ARK2C: variants seen among roughly 807,000 people sequenced by gnomAD.
ARK2C encodes E3 ubiquitin-protein ligase ARK2C.
At chr18:46,426,235 A>T in the ARK2C span, among the ~76,000 whole-genome samples, 1 of 152,272 alleles carries the variant, frequency 6.6e-6, no homozygotes. Context: ...GGCTTTCAGG[A>T]AACACCTTGC....
chr18:46,341,614 T>A, the ARK2C span, among the ~76,000 whole-genome samples: 30 of 152,268 alleles, frequency 2.0e-4, no homozygotes, highest in African/African-American at 7.2e-4. Flanking sequence ...TCTAGTCCTT[T>A]ACATACAGAT....
At chr18:46,427,133 C>T in the ARK2C span, among the ~76,000 whole-genome samples, 1 of 152,306 alleles carries the variant, frequency 6.6e-6, no homozygotes, top group East Asian at 1.9e-4. Flanking sequence ...GTGCTGAGAC[C>T]AAGAACCACT....
At chr18:46,379,234 C>T in the ARK2C span, among the ~76,000 whole-genome samples, 4 of 152,232 alleles carry the variant, frequency 2.6e-5, no homozygotes, top group Admixed American at 6.5e-5. Context: ...CCTCTTTAAT[C>T]TCTTTTGGGG....
the ARK2C span, among the ~76,000 whole-genome samples, chr18:46,421,221 A>G: frequency 2.0e-5 from 3 of 152,326 alleles, no homozygotes; most frequent in East Asian, 5.8e-4. Flanking sequence ...TAGTCTTTCT[A>G]CCTTGCACTT....
chr18:46,455,775 C>T, the ARK2C span, among the ~76,000 whole-genome samples: 1 of 152,174 alleles, frequency 6.6e-6, no homozygotes, highest in African/African-American at 2.4e-5. Flanking sequence ...GTGGAAGTTG[C>T]AGTGAGCCAA....
chr18:46,440,264 T>C, the ARK2C span, among the ~76,000 whole-genome samples: 1 of 151,076 alleles, frequency 6.6e-6, no homozygotes, highest in African/African-American at 2.4e-5. Context: ...TTACAGCATT[T>C]TGAGAGACTG....
chr18:46,445,673 C>G, the ARK2C span, among the ~76,000 whole-genome samples: 1 of 152,176 alleles, frequency 6.6e-6, no homozygotes, highest in Admixed American at 6.5e-5. Context: ...TCTCCCTGCT[C>G]ATGGTCTGGA....
the ARK2C span, among the ~76,000 whole-genome samples, chr18:46,374,890 G>A: frequency 6.6e-6 from 1 of 152,190 alleles, no homozygotes; most frequent in African/African-American, 2.4e-5. Flanking sequence ...TGAGTGAGAA[G>A]CCCCTTGAGT....
chr18:46,388,229 G>A, the ARK2C span, among the ~76,000 whole-genome samples: 1 of 152,178 alleles, frequency 6.6e-6, no homozygotes, highest in African/African-American at 2.4e-5. Flanking sequence ...GAGAAATCCT[G>A]TATGTAATAC....
At chr18:46,382,730 A>G in the ARK2C span, among the ~76,000 whole-genome samples, 1 of 152,206 alleles carries the variant, frequency 6.6e-6, no homozygotes, top group Non-Finnish European at 1.5e-5. Flanking sequence ...AAAGAAAGAC[A>G]GGCTCATGGA....
the ARK2C span, chr18:46,450,379 C>T: frequency 2.1e-4 from 346 of 1,612,746 alleles, 1 homozygote; most frequent in African/African-American, 1.4e-3. Flanking sequence ...GACACACCTC[C>T]GCCGTACGGG....
the ARK2C span, chr18:46,337,327 A>T: frequency 1.0e-6 from 1 of 985,090 alleles, no homozygotes; most frequent in East Asian, 1.1e-4. Context: ...TTTGTGGGTA[A>T]TTTTTTCTGT....
chr18:46,397,904 G>C, the ARK2C span, among the ~76,000 whole-genome samples: 1 of 143,434 alleles, frequency 7.0e-6, no homozygotes, highest in African/African-American at 2.6e-5. Context: ...GTGAGGGGGT[G>C]TGTGCATGTG....
chr18:46,379,739 G>A, the ARK2C span, among the ~76,000 whole-genome samples: 2 of 152,332 alleles, frequency 1.3e-5, no homozygotes, highest in East Asian at 1.9e-4. Flanking sequence ...TGAATCTAAA[G>A]CGACATGTGA....
the ARK2C span, among the ~76,000 whole-genome samples, chr18:46,338,979 C>T: frequency 6.6e-6 from 1 of 152,166 alleles, no homozygotes; most frequent in Non-Finnish European, 1.5e-5. Flanking sequence ...CCATGGCTGC[C>T]CTCTCTGCTC....
At chr18:46,361,711 T>G in the ARK2C span, among the ~76,000 whole-genome samples, 1 of 152,174 alleles carries the variant, frequency 6.6e-6, no homozygotes, top group Non-Finnish European at 1.5e-5. Flanking sequence ...TGCAGGGCAC[T>G]GGCCTGGGCA....
At chr18:46,357,650 G>A in the ARK2C span, among the ~76,000 whole-genome samples, 60 of 152,328 alleles carry the variant, frequency 3.9e-4, 1 homozygote, top group African/African-American at 1.4e-3. Context: ...CGAGGCCTGG[G>A]GCACAGAGGA....
At chr18:46,373,504 A>C in the ARK2C span, among the ~76,000 whole-genome samples, 1 of 152,238 alleles carries the variant, frequency 6.6e-6, no homozygotes, top group Non-Finnish European at 1.5e-5. Context: ...GGAGCAGGTC[A>C]CTGCATGATG....
At chr18:46,371,667 G>A in the ARK2C span, among the ~76,000 whole-genome samples, 1 of 152,198 alleles carries the variant, frequency 6.6e-6, no homozygotes, top group Non-Finnish European at 1.5e-5. Context: ...GGAAATGAGA[G>A]CTGAAACAAT....
Sources: allele counts gnomAD v4.1 joint callset (sites outside exome capture counted in the v4.1 genomes callset), GRCh38; gene constraint gnomAD v4.1.1; transcripts MANE v1.5; gene names NCBI Gene and HGNC (gene_info 2026-07-23, HGNC 2026-07-21).